Variants in AP3B1 observed in about 807,000 individuals in gnomAD.
AP3B1 encodes AP-3 complex subunit beta-1.
AP3B1 carries 61 observed loss-of-function variants against 132.5 expected under a neutral mutation model. The observed-to-expected ratio is 0.46, with a 90% CI of 0.37 to 0.57. The LOEUF is 0.57. Ranked by LOEUF, AP3B1 falls within the 20% of genes least tolerant of loss-of-function variation. The pLI, the probability that AP3B1 is intolerant of heterozygous loss-of-function variation, is 0.00. For missense variants in AP3B1, 1,120 were observed against 1,289.4 expected (o/e 0.87, Z 2.01); for synonymous variants, 388 against 438.3 (o/e 0.89, Z 1.43).
intron 26 of AP3B1, among the ~76,000 whole-genome samples, chr5:78,014,604 T>G (rs1315910559): frequency 6.6e-6 from 1 of 152,144 alleles, no homozygotes; most frequent in Non-Finnish European, 1.5e-5. Context: ...TGATGCTAAA[T>G]TTGTTTTCTA....
intron 7 of AP3B1, among the ~76,000 whole-genome samples, chr5:78,212,130 G>T (rs13190252): frequency 6.6e-6 from 1 of 151,966 alleles, no homozygotes; most frequent in African/African-American, 2.4e-5. Context: ...AAATACAAAA[G>T]TTAGCTGGGT....
At chr5:78,098,122 T>C (rs1248175143) in intron 21 of AP3B1, among the ~76,000 whole-genome samples, 3 of 150,892 alleles carry the variant, frequency 2.0e-5, no homozygotes, top group East Asian at 3.9e-4. Context: ...TAATCTCAAG[T>C]ACCCGGGGAC....
intron 14 of AP3B1, 99 bp downstream of exon 14, chr5:78,156,159 C>CA (rs1254240146): frequency 3.6e-6 from 3 of 839,694 alleles, no homozygotes; most frequent in Non-Finnish European, 6.0e-6. Context: ...CCAGACACTT[C>CA]AGCTCTCCTA....
At chr5:78,145,001 A>G (rs1275148126) in intron 14 of AP3B1, among the ~76,000 whole-genome samples, 2 of 152,096 alleles carry the variant, frequency 1.3e-5, no homozygotes, top group African/African-American at 4.8e-5. Context: ...GCCAGCTGAT[A>G]GTATGCATTT....
At chr5:78,233,478 G>A (rs113391509) in intron 3 of AP3B1, among the ~76,000 whole-genome samples, 27,776 of 150,740 alleles carry the variant, frequency 0.18, 2,777 homozygotes, top group Admixed American at 0.27. Context: ...CAGGTGATCC[G>A]CCCACCCCGG....
At chr5:78,109,598 T>C (rs948027633) in intron 20 of AP3B1, among the ~76,000 whole-genome samples, 5 of 152,150 alleles carry the variant, frequency 3.3e-5, no homozygotes, top group Non-Finnish European at 5.9e-5. Flanking sequence ...GAATTCTATA[T>C]TTTTATTCTT....
intron 22 of AP3B1, among the ~76,000 whole-genome samples, chr5:78,082,093 T>G (rs962429283): frequency 6.6e-6 from 1 of 152,216 alleles, no homozygotes. Flanking sequence ...GAGGACCTTA[T>G]GTTTTTTGTT....
At chr5:78,102,838 C>G (rs1271618376) in intron 20 of AP3B1, among the ~76,000 whole-genome samples, 3 of 152,122 alleles carry the variant, frequency 2.0e-5, no homozygotes, top group African/African-American at 4.8e-5. Context: ...ACCTTAATTT[C>G]TACTTCACAG....
intron 7 of AP3B1, among the ~76,000 whole-genome samples, chr5:78,182,346 C>T (rs773113115): frequency 6.6e-6 from 1 of 152,198 alleles, no homozygotes; most frequent in Non-Finnish European, 1.5e-5. Flanking sequence ...ACTTCCGTTA[C>T]CAAGTATCTG....
At chr5:78,252,646 G>T (rs564946642) in intron 2 of AP3B1, among the ~76,000 whole-genome samples, 1 of 152,288 alleles carries the variant, frequency 6.6e-6, no homozygotes, top group Non-Finnish European at 1.5e-5. Context: ...TTCAGAAAGG[G>T]GAGGAAGAGT....
intron 23 of AP3B1, among the ~76,000 whole-genome samples, chr5:78,035,309 A>G (rs1382101088): frequency 6.6e-6 from 1 of 151,968 alleles, no homozygotes; most frequent in Non-Finnish European, 1.5e-5. Flanking sequence ...TCCATTTTTG[A>G]TTTCTACTTT....
chr5:78,089,845 T>A (rs531478030), intron 21 of AP3B1, among the ~76,000 whole-genome samples: 1 of 152,274 alleles, frequency 6.6e-6, no homozygotes, highest in East Asian at 1.9e-4. Context: ...ATCATAAGAA[T>A]AACAACCGCT....
In AP3B1 at chr5:78,064,429, TCAGTGAA is replaced by T. The variant is rs1749191593; in HGVS notation, c.2577+24957_2577+24963del. Among the ~76,000 whole-genome samples, 4 of 152,316 alleles carry T rather than the reference TCAGTGAA, an allele frequency of 2.6e-5. No individual in the cohort carries two copies. The South Asian group carries it at 8.3e-4, about 32-fold the overall frequency. On this transcript the variant is annotated intron_variant, in intron 22 of 26. Coordinates refer to ENST00000255194, the MANE Select transcript of AP3B1 (RefSeq NM_003664.5). The stretch of plus-strand genomic sequence containing the variant: ...TTGTACTTTCCTTGTTAATCCTGAC[TCAGTGAA>T]TTAACCTTTAATTACAGCCGTTAAA...
intron 14 of AP3B1, among the ~76,000 whole-genome samples, chr5:78,142,328 G>T (rs554974782): frequency 6.6e-6 from 1 of 152,192 alleles, no homozygotes; most frequent in Non-Finnish European, 1.5e-5. Context: ...AAAGGAATTT[G>T]AGAGGGTGTG....
chr5:78,292,585 G>A (rs952130808), intron 1 of AP3B1, among the ~76,000 whole-genome samples: 4 of 152,098 alleles, frequency 2.6e-5, no homozygotes, highest in East Asian at 1.9e-4. Flanking sequence ...ATTTCCTCAC[G>A]TGTAAAGTGG....
At chr5:78,029,890 C>T (rs1747499084) in intron 24 of AP3B1, among the ~76,000 whole-genome samples, 2 of 152,008 alleles carry the variant, frequency 1.3e-5, no homozygotes, top group African/African-American at 4.8e-5. Context: ...TAGTGGTTAT[C>T]TTTAATAATT....
At chr5:78,266,633 A>T (rs957823407) in intron 2 of AP3B1, among the ~76,000 whole-genome samples, 2 of 152,218 alleles carry the variant, frequency 1.3e-5, no homozygotes, top group Admixed American at 6.5e-5. Context: ...ATGCAAATGT[A>T]TTCAATTTTG....
downstream of AP3B1, chr5:78,001,781 T>C (rs1746208870): frequency 2.0e-5 from 3 of 152,202 alleles, no homozygotes; most frequent in Admixed American, 2.0e-4. Context: ...TTATACTACC[T>C]GAAAGTCCAT....
chr5:78,074,942 A>G (rs1051948183), intron 22 of AP3B1, among the ~76,000 whole-genome samples: 7 of 152,240 alleles, frequency 4.6e-5, no homozygotes, highest in African/African-American at 1.7e-4. Context: ...TCAAAAAAAA[A>G]AGATGATTCT....
Sources: gnomAD v4.1 joint callset for allele counts (sites outside exome capture counted in the v4.1 genomes callset) on GRCh38, gnomAD v4.1.1 for gene constraint, MANE v1.5 for transcripts, NCBI Gene and HGNC (gene_info 2026-07-23, HGNC 2026-07-21) for gene names.